The following TTLL7 variants were observed in gnomAD, a reference collection of about 807,000 sequenced individuals.
TTLL7 encodes the protein tubulin polyglutamylase TTLL7.
A neutral mutation model predicts 120.2 loss-of-function variants in TTLL7; 53 were observed. That is an observed-to-expected ratio of 0.44 (90% CI 0.35 to 0.55). The LOEUF is 0.55. Ranked by LOEUF, TTLL7 falls within the 20% of genes least tolerant of loss-of-function variation. TTLL7 has a pLI of 0.00. For synonymous variants in TTLL7, 353 were observed against 351.7 expected (o/e 1.00, Z -0.04); for missense variants, 803 against 1,054.7 (o/e 0.76, Z 3.31).
In TTLL7 at chr1:83,882,960, T is replaced by C. The variant is rs750403898; in HGVS notation, c.2543+3A>G. ...TCAAGGGTTAGAGAATGTGAACAAGTACCTGGAATTACCCCAGTCAGGACC... is the reference window on the plus strand; with the variant it reads ...TCAAGGGTTAGAGAATGTGAACAAGCACCTGGAATTACCCCAGTCAGGACC... On this transcript the variant is annotated splice_donor_region_variant and intron_variant, in intron 20 of 20. Coordinates refer to ENST00000260505, the MANE Select transcript of TTLL7 (RefSeq NM_024686.6). 153 of 1,609,642 alleles carry C rather than the reference T, an allele frequency of 9.5e-5. No homozygotes were observed. The highest frequency in any genetic ancestry group is 1.3e-4 in the Non-Finnish European group (151 of 1,178,142).
chr1:83,942,514 C>A lies in TTLL7; in HGVS notation c.672G>T (p.Gly224=), dbSNP rs1368792666. ...ACTTCTCTGTACCCATTCGCACAAG[C>A]CCATCATGGTAGAGAAATATTTTTA... The part of the protein sequence containing the change: ...DPLKIFLYHD[G]LVRMGTEKYI... The change falls in exon 7 of 21, where the codon GGG becomes GGT. Residue 224 remains glycine (G), a synonymous_variant. Transcript: ENST00000260505. 1 of 1,613,892 alleles carries A rather than the reference C, an allele frequency of 6.2e-7. No homozygotes were observed. Among genetic ancestry groups the A allele is most frequent in the Non-Finnish European group, 8.5e-7 (1 of 1,179,950 alleles).
In TTLL7 at chr1:83,890,342, C is replaced by A; in HGVS notation, c.2348G>T (p.Trp783Leu). The change falls in exon 19 of 21, where the codon TGG becomes TTG. Residue 783 changes from tryptophan to leucine, a missense_variant. By Grantham distance (61) the Trp-to-Leu change is moderately conservative. Around this residue, in one of 3 missense-constraint regions of TTLL7, gnomAD observed 388 missense variants for 450.4 expected, o/e 0.86. Coordinates refer to ENST00000260505, the MANE Select transcript of TTLL7 (RefSeq NM_024686.6). Reference protein sequence around the residue: ...RLLWSRGQGLWNCFCDSGSSW... With the variant: ...RLLWSRGQGLLNCFCDSGSSW... ...TTACCCTGAATCACAGAAACAGTTC[C>A]ACAGCCCTTGGCCACGACTCCAGAG... is the stretch of plus-strand genomic sequence containing the variant. The A allele has an allele frequency of 6.2e-7, 1 of 1,612,686 alleles. No homozygotes were observed. The highest frequency in any genetic ancestry group is 8.5e-7 in the Non-Finnish European group (1 of 1,179,314).
intron 5 of TTLL7, chr1:83,947,698 G>A (rs776064969): frequency 6.5e-6 from 1 of 153,114 alleles, no homozygotes; most frequent in African/African-American, 2.4e-5. Context: ...ACATGTAGGA[G>A]TCAATAACTC....
intron 5 of TTLL7, among the ~76,000 whole-genome samples, chr1:83,948,016 A>G (rs34782355): frequency 0.03 from 4,506 of 152,242 alleles, 108 homozygotes; most frequent in Non-Finnish European, 0.042. Context: ...CTTTTCCATG[A>G]AAGTAGATTG....
At chr1:83,964,752 G>A (rs962731237) in intron 1 of TTLL7, among the ~76,000 whole-genome samples, 2 of 152,054 alleles carry the variant, frequency 1.3e-5, no homozygotes, top group Non-Finnish European at 2.9e-5. Flanking sequence ...TCATATCAAT[G>A]AGAGATACAT....
intron 1 of TTLL7, among the ~76,000 whole-genome samples, chr1:83,953,516 G>C (rs1649252020): frequency 6.6e-6 from 1 of 151,898 alleles, no homozygotes; most frequent in Non-Finnish European, 1.5e-5. Flanking sequence ...GGTTTTATTT[G>C]TTCTCAGGTA....
intron 1 of TTLL7, among the ~76,000 whole-genome samples, chr1:83,953,142 T>G (rs1035196621): frequency 1.3e-4 from 20 of 152,152 alleles, no homozygotes; most frequent in Non-Finnish European, 2.5e-4. Context: ...AATGCAACAA[T>G]CAATGAATTA....
intron 1 of TTLL7, among the ~76,000 whole-genome samples, chr1:83,968,298 A>G (rs567352892): frequency 3.9e-5 from 6 of 152,138 alleles, no homozygotes; most frequent in African/African-American, 1.2e-4. Flanking sequence ...ACCTAATCCA[A>G]AAATGAGGTT....
intron 13 of TTLL7, among the ~76,000 whole-genome samples, chr1:83,918,715 A>G (rs1458476898): frequency 2.0e-5 from 3 of 152,182 alleles, no homozygotes; most frequent in Non-Finnish European, 2.9e-5. Flanking sequence ...GATAAACTAA[A>G]CAATCATATT....
intron 1 of TTLL7, among the ~76,000 whole-genome samples, chr1:83,996,782 T>C (rs1653520190): frequency 6.6e-6 from 1 of 152,034 alleles, no homozygotes; most frequent in Non-Finnish European, 1.5e-5. Context: ...ATATTCATAC[T>C]CTCAGTGATG....
chr1:83,890,322 C>T lies in TTLL7; in HGVS notation c.2368G>A (p.Gly790Arg), dbSNP rs772312251. The change falls in exon 19 of 21, where the codon GGA becomes AGA. Residue 790 changes from glycine to arginine, a missense_variant and splice_region_variant. Around this residue, in one of 3 missense-constraint regions of TTLL7, gnomAD observed 388 missense variants for 450.4 expected, o/e 0.86. Coordinates refer to ENST00000260505, the MANE Select transcript of TTLL7 (RefSeq NM_024686.6). ...AATAAAAGATGACTTAGAGCTTACC[C>T]TGAATCACAGAAACAGTTCCACAGC... Reference protein sequence around the residue: ...QGLWNCFCDSGSSWESIFNKS... With the variant: ...QGLWNCFCDSRSSWESIFNKS... 4 of 1,610,288 alleles carry T rather than the reference C, an allele frequency of 2.5e-6. No homozygotes were observed. The highest frequency in any genetic ancestry group is 3.4e-6 in the Non-Finnish European group (4 of 1,178,530).
At chr1:83,942,817 A>G (rs1008908900) in intron 6 of TTLL7, 138 bp from the exon 7 acceptor site, 2 of 630,850 alleles carry the variant, frequency 3.2e-6, no homozygotes, top group Non-Finnish European at 5.4e-6. Context: ...ATGAAGAGCA[A>G]AAGAAATTAT....
At chr1:83,993,877 T>C (rs1248334163) in intron 1 of TTLL7, among the ~76,000 whole-genome samples, 1 of 152,216 alleles carries the variant, frequency 6.6e-6, no homozygotes, top group African/African-American at 2.4e-5. Context: ...AAATGTCAAA[T>C]AGGAAATAAC....
Position 83,951,879 on chromosome 1 carries a change from A to T in TTLL7, c.123T>A (p.Ile41=). The T allele has an allele frequency of 1.2e-6, 2 of 1,613,268 alleles. No individual in the cohort carries two copies. The highest frequency in any genetic ancestry group is 2.2e-5 in the South Asian group (2 of 90,820). The stretch of plus-strand genomic sequence containing the variant: ...ACTTTGTCCCGGCAACATTTGCTGT[A>T]ATGGTTCCCTTCTTTTTCTTCTTTC... ...KVRKKKKKGT[I]TANVAGTKFE... is the part of the protein sequence containing the mutation. The change falls in exon 3 of 21, where the codon ATT becomes ATA. Residue 41 remains isoleucine, a synonymous_variant. Transcript: ENST00000260505.
chr1:83,899,440 G>A (rs1318861529), intron 18 of TTLL7, among the ~76,000 whole-genome samples: 1 of 151,894 alleles, frequency 6.6e-6, no homozygotes, highest in Non-Finnish European at 1.5e-5. Context: ...GCGACTTTCA[G>A]GGCTCCATAA....
chr1:83,966,670 T>C (rs1650489971), intron 1 of TTLL7, among the ~76,000 whole-genome samples: 1 of 152,030 alleles, frequency 6.6e-6, no homozygotes, highest in South Asian at 2.1e-4. Context: ...GGGTAGAAAA[T>C]AGAGATTGTC....
chr1:83,991,919 G>A (rs1653038854), intron 1 of TTLL7, among the ~76,000 whole-genome samples: 4 of 151,952 alleles, frequency 2.6e-5, no homozygotes, highest in Admixed American at 1.3e-4. Flanking sequence ...GTCCTTGTAG[G>A]TTCTAAAAAC....
intron 1 of TTLL7, among the ~76,000 whole-genome samples, chr1:83,977,836 A>G (rs1159428697): frequency 2.6e-5 from 4 of 152,206 alleles, no homozygotes; most frequent in Non-Finnish European, 5.9e-5. Flanking sequence ...TGACTGCAAG[A>G]TCCGACAATG....
chr1:83,887,394 T>C (rs1471788558), intron 19 of TTLL7: 1 of 266,032 alleles, frequency 3.8e-6, no homozygotes, highest in Non-Finnish European at 7.3e-6. Context: ...GGAGTATACA[T>C]TGAGAAGGCA....
Sources: allele counts gnomAD v4.1 joint callset (sites outside exome capture counted in the v4.1 genomes callset), GRCh38; gene constraint gnomAD v4.1.1; regional missense constraint gnomAD v4.1.1; transcripts MANE v1.5; gene names NCBI Gene and HGNC (gene_info 2026-07-23, HGNC 2026-07-21).